TLR9: variants seen among roughly 807,000 people sequenced by gnomAD.
The protein encoded by TLR9 is toll-like receptor 9.
Under a neutral mutation model 24.6 loss-of-function variants are expected in TLR9, and 19 were observed. The ratio of observed to expected loss-of-function variants is 0.77; its 90% CI spans 0.54 to 1.13. The LOEUF is 1.13. Among genes scored for constraint, TLR9 ranks in the 50% most tolerant of loss-of-function variants. The pLI, the probability that TLR9 is intolerant of heterozygous loss-of-function variation, is 0.00. For synonymous variants in TLR9, 579 were observed against 609.8 expected (o/e 0.95, Z 0.74); for missense variants, 1,065 against 1,379.6 (o/e 0.77, Z 3.61).
rs17846009 is a variant in TLR9, at chr3:52,222,679, C to A, written c.1637G>T (p.Arg546Leu). 1.1e-3 allele frequency: 1,706 copies of A among 1,613,162 alleles called. 18 individuals are homozygous for A. In the South Asian group the frequency reaches 0.017, roughly 17 times the overall value. Residue 546 changes from arginine to leucine, a missense_variant, in exon 2 of 2, where the codon CGA (arginine) becomes CTA (leucine). Coordinates refer to ENST00000360658, the MANE Select transcript of TLR9 (RefSeq NM_017442.4). ...GTAGCTGAGGTCCAGGGCCTCCAGT[C>A]GCGGTAGCTCCGTGAATGAGTGCTC... ...YHEHSFTELP[R>L]LEALDLSYNS...
At position 52,223,983 on chromosome 3, in the gene TLR9, G is replaced by C; in HGVS notation, c.333C>G (p.His111Gln). 6.3e-7 allele frequency: 1 copy of C among 1,596,264 alleles called. No homozygotes were observed. The highest frequency in any genetic ancestry group is 1.7e-4 in the Middle Eastern group (1 of 5,994). ...AGAAGGTGCTGGGCTCGATGGTCATGTGGCAGGGGAAGTGCATGGGGCTGA... is the reference window on the plus strand; with the variant it reads ...AGAAGGTGCTGGGCTCGATGGTCATCTGGCAGGGGAAGTGCATGGGGCTGA... Reference protein sequence around the residue: ...VGLSPMHFPCHMTIEPSTFLA... With the variant: ...VGLSPMHFPCQMTIEPSTFLA... Residue 111 changes from histidine (H) to glutamine (Q), a missense_variant, in exon 2 of 2, where the codon CAC becomes CAG. Coordinates refer to ENST00000360658, the MANE Select transcript of TLR9 (RefSeq NM_017442.4).
Position 52,224,156 on chromosome 3 carries a change from G to T in TLR9, c.160C>A (p.Pro54Thr). The T allele has an allele frequency of 6.3e-7, 1 of 1,595,640 alleles. No homozygotes were observed. Among genetic ancestry groups the T allele is most frequent in the South Asian group, 1.1e-5 (1 of 89,446 alleles). Residue 54 changes from proline (P) to threonine (T), a missense_variant, in exon 2 of 2, where the codon CCC (proline) becomes ACC (threonine). Pro to Thr is a conservative substitution (Grantham distance 38, BLOSUM62 -1). Coordinates refer to ENST00000360658, the MANE Select transcript of TLR9 (RefSeq NM_017442.4). ...CGGGGTGCTGCCATGGAGAAGTGGG[G>T]CACAGACTTCAGGAACAGCCAGTTG... ...NCNWLFLKSV[P>T]HFSMAAPRGN...
Position 52,221,688 on chromosome 3 carries a change from G to T in TLR9, c.2628C>A (p.Phe876Leu). ...DALPYDAFVVFDKTQSAVADW... is the reference protein window; with the variant it reads ...DALPYDAFVVLDKTQSAVADW... ...CTGCCACTGCGCTCTGCGTTTTGTC[G>T]AAGACCACGAAGGCATCGTAGGGCA... The change falls in exon 2 of 2, where the codon TTC becomes TTA. Residue 876 changes from phenylalanine to leucine, a missense_variant. Coordinates refer to ENST00000360658, the MANE Select transcript of TLR9 (RefSeq NM_017442.4). This position sits in a 1 kb window ranked among gnomAD's most constrained non-coding sequence, Gnocchi z 9.9. 6.2e-7 allele frequency: 1 copy of T among 1,613,896 alleles called. No individual in the cohort carries two copies. The highest frequency in any genetic ancestry group is 1.1e-5 in the South Asian group (1 of 91,080).
chr3:52,224,873 C>T (rs189189385), intron 1 of TLR9, among the ~76,000 whole-genome samples: 3 of 152,340 alleles, frequency 2.0e-5, no homozygotes, highest in Admixed American at 6.5e-5. Flanking sequence ...TCACCTAGCC[C>T]GAGAGCCTTT....
rs201708800 is a variant in TLR9 at position 52,221,205 on chromosome 3, T to C, written c.*12A>G. 1 of 1,510,542 alleles carries C rather than the reference T, an allele frequency of 6.6e-7. No homozygotes were observed. The highest frequency in any genetic ancestry group is 2.3e-5 in the East Asian group (1 of 43,442). The allele number at this position is 1,510,542 out of a possible 1,614,324, so 93.6% of individuals were successfully genotyped here. On this transcript the variant is annotated 3_prime_UTR_variant, in exon 2 of 2. Coordinates refer to ENST00000360658, the MANE Select transcript of TLR9 (RefSeq NM_017442.4). The surrounding 1 kb of genome is among the most constrained non-coding windows in gnomAD (Gnocchi z 9.9). ...GTGTGGAGGTGGCACCGTGCAGGAT[T>C]CCGGCTCACGGCTATTCGGCCGTGG...
At chr3:52,225,354 A>AG (rs927443382) in intron 1 of TLR9, among the ~76,000 whole-genome samples, 173 bp downstream of exon 1, 9 of 151,948 alleles carry the variant, frequency 5.9e-5, no homozygotes, top group Non-Finnish European at 1.2e-4. Context: ...AAAAAAAAAA[A>AG]AAAAGAAAAA....
Position 52,222,456 on chromosome 3 carries a change from A to G in TLR9, c.1860T>C (p.Tyr620=), listed in dbSNP as rs1365884283. The G allele has an allele frequency of 6.2e-7, 1 of 1,614,206 alleles. No homozygotes were observed. Among genetic ancestry groups the G allele is most frequent in the East Asian group, 2.2e-5 (1 of 44,886 alleles). The part of the protein sequence containing the change: ...LGHMWAEGDL[Y]LHFFQGLSGL... ...CGCTCAGGCCTTGGAAGAAGTGCAG[A>G]TAGAGGTCTCCCTCGGCCCACATAT... Residue 620 remains tyrosine, a synonymous_variant, in exon 2 of 2, where the codon TAT becomes TAC. Transcript: ENST00000360658.
At position 52,222,789 on chromosome 3, in the gene TLR9, C is replaced by T. The variant is rs35342983; in HGVS notation, c.1527G>A (p.Ser509=). 9,184 of 1,614,038 alleles carry T rather than the reference C, an allele frequency of 5.7e-3. 76 individuals are homozygous for T. Among genetic ancestry groups the T allele is most frequent in the South Asian group, 0.025 (2,293 of 91,090 alleles). The change falls in exon 2 of 2, where the codon TCG becomes TCA. Residue 509 remains serine (S), a synonymous_variant. Transcript: ENST00000360658. Reference sequence around the variant, plus strand: ...GGAACTGGGAGCCATTGACTGCCTGCGAGATGCAGTTGTGGCTCAGGCGCA... The same window carrying T: ...GGAACTGGGAGCCATTGACTGCCTGTGAGATGCAGTTGTGGCTCAGGCGCA... The part of the protein sequence containing the change: ...QCLRLSHNCI[S]QAVNGSQFLP...
At position 52,223,083 on chromosome 3, in the gene TLR9, G is replaced by A; in HGVS notation, c.1233C>T (p.Phe411=). ...CGTAGCGCAGGCCAGGGAAGGCCCT[G>A]AAGATGCCGAGCTGGGCCTGGTTGA... The part of the protein sequence containing the change: ...NFINQAQLGI[F]RAFPGLRYVD... Residue 411 remains phenylalanine, a synonymous_variant, in exon 2 of 2, where the codon TTC becomes TTT. Transcript: ENST00000360658. 6.2e-7 allele frequency: 1 copy of A among 1,611,588 alleles called. No individual in the cohort carries two copies. The highest frequency in any genetic ancestry group is 8.5e-7 in the Non-Finnish European group (1 of 1,178,696).
chr3:52,223,787 T>A lies in TLR9; in HGVS notation c.529A>T (p.Asn177Tyr), dbSNP rs1192636526. The A allele has an allele frequency of 6.3e-7, 1 of 1,584,128 alleles. No individual in the cohort carries two copies. The highest frequency in any genetic ancestry group is 2.2e-5 in the East Asian group (1 of 44,508). ...HALRFLFMDG[N>Y]CYYKNPCRQA... is the part of the protein sequence containing the mutation. ...CTGCAGGGGTTCTTGTAATAACAGT[T>A]GCCGTCCATGAATAGGAAGCGCAGG... Residue 177 changes from asparagine (N) to tyrosine (Y), a missense_variant, in exon 2 of 2, where the codon AAC (asparagine) becomes TAC (tyrosine). By Grantham distance (143) the Asn-to-Tyr change is moderately radical. Transcript: ENST00000360658.
In TLR9 at chr3:52,223,874, G is replaced by T. The variant is rs1424057961; in HGVS notation, c.442C>A (p.Leu148Met). Residue 148 changes from leucine (L) to methionine (M), a missense_variant, in exon 2 of 2, where the codon CTG (leucine) becomes ATG (methionine). Transcript: ENST00000360658. ...VPALPKSLIS[L>M]SLSHTNILML... Reference sequence around the variant, plus strand: ...AGGATGTTGGTATGGCTGAGGGACAGGGATATGAGGGATTTGGGCAGCGCA... The same window carrying T: ...AGGATGTTGGTATGGCTGAGGGACATGGATATGAGGGATTTGGGCAGCGCA... 1 of 1,611,740 alleles carries T rather than the reference G, an allele frequency of 6.2e-7. No homozygotes were observed.
chr3:52,224,402 C>T (rs1158070180), intron 1 of TLR9, 90 bp from the exon 2 acceptor site: 1 of 1,047,758 alleles, frequency 9.5e-7, no homozygotes, highest in Non-Finnish European at 1.4e-6. Context: ...CATCTTCCAA[C>T]CCCTCTCTCC....
In TLR9 at chr3:52,223,545, G is replaced by A. The variant is rs148525480; in HGVS notation, c.771C>T (p.Arg257=). Residue 257 remains arginine (R), a synonymous_variant, in exon 2 of 2, where the codon CGC becomes CGT. Coordinates refer to ENST00000360658, the MANE Select transcript of TLR9 (RefSeq NM_017442.4). ...TGCAGGGGTTGGGAGCGTGGTCGCA[G>A]CGGCGGCAATTTCCGCCCACATCGA... The part of the protein sequence containing the change: ...RVLDVGGNCR[R]CDHAPNPCME... The A allele has an allele frequency of 1.2e-4, 178 of 1,535,582 alleles. No individual in the cohort carries two copies. The highest frequency in any genetic ancestry group is 1.5e-4 in the Non-Finnish European group (171 of 1,140,472).
In TLR9 at chr3:52,223,095, C is replaced by G; in HGVS notation, c.1221G>C (p.Gln407His). The change falls in exon 2 of 2, where the codon CAG becomes CAC. Residue 407 changes from glutamine to histidine, a missense_variant. Transcript: ENST00000360658. ...RLQMNFINQA[Q>H]LGIFRAFPGL... The stretch of plus-strand genomic sequence containing the variant: ...CAGGGAAGGCCCTGAAGATGCCGAG[C>G]TGGGCCTGGTTGATGAAGTTCATCT... 1.2e-6 allele frequency: 2 copies of G among 1,612,860 alleles called. No individual in the cohort carries two copies.
chr3:52,222,197 C>G lies in TLR9; in HGVS notation c.2119G>C (p.Asp707His). 1 of 1,614,042 alleles carries G rather than the reference C, an allele frequency of 6.2e-7. No homozygotes were observed. Among genetic ancestry groups the G allele is most frequent in the Non-Finnish European group, 8.5e-7 (1 of 1,180,018 alleles). Residue 707 changes from aspartate to histidine, a missense_variant, in exon 2 of 2, where the codon GAT (aspartate) becomes CAT (histidine). Coordinates refer to ENST00000360658, the MANE Select transcript of TLR9 (RefSeq NM_017442.4). Reference protein sequence around the residue: ...LPAGTRLRRLDVSCNSISFVA... With the variant: ...LPAGTRLRRLHVSCNSISFVA... Reference sequence around the variant, plus strand: ...AAGCTGATGCTGTTGCAGCTGACATCCAGCCTCCGGAGCCGGGTGCCAGCA... The same window carrying G: ...AAGCTGATGCTGTTGCAGCTGACATGCAGCCTCCGGAGCCGGGTGCCAGCA...
chr3:52,223,811 G>A lies in TLR9; in HGVS notation c.505C>T (p.Leu169=), dbSNP rs1217389345. 1 of 1,604,378 alleles carries A rather than the reference G, an allele frequency of 6.2e-7. No homozygotes were observed. Among genetic ancestry groups the A allele is most frequent in the Non-Finnish European group, 8.5e-7 (1 of 1,174,532 alleles). The part of the protein sequence containing the change: ...DSASLAGLHA[L]RFLFMDGNCY... ...TTGCCGTCCATGAATAGGAAGCGCA[G>A]GGCATGCAGGCCGGCGAGGCTGGCA... Residue 169 remains leucine (L), a synonymous_variant, in exon 2 of 2, where the codon CTG becomes TTG. Transcript: ENST00000360658.
chr3:52,223,873 A>G lies in TLR9; in HGVS notation c.443T>C (p.Leu148Pro). The G allele has an allele frequency of 6.2e-7, 1 of 1,611,624 alleles. No individual in the cohort carries two copies. The highest frequency in any genetic ancestry group is 8.5e-7 in the Non-Finnish European group (1 of 1,178,546). ...VPALPKSLISLSLSHTNILML... is the reference protein window; with the variant it reads ...VPALPKSLISPSLSHTNILML... Reference sequence around the variant, plus strand: ...CAGGATGTTGGTATGGCTGAGGGACAGGGATATGAGGGATTTGGGCAGCGC... The same window carrying G: ...CAGGATGTTGGTATGGCTGAGGGACGGGGATATGAGGGATTTGGGCAGCGC... Residue 148 changes from leucine (L) to proline (P), a missense_variant, in exon 2 of 2, where the codon CTG becomes CCG. Leu to Pro is a moderately conservative substitution (Grantham distance 98, BLOSUM62 -3). Transcript: ENST00000360658.
In TLR9 at chr3:52,223,563, C is replaced by T. The variant is rs1186200134; in HGVS notation, c.753G>A (p.Val251=). The stretch of plus-strand genomic sequence containing the variant: ...GGTCGCAGCGGCGGCAATTTCCGCC[C>T]ACATCGAGCACACGCAGGGCGGTCA... ...ANLTALRVLD[V]GGNCRRCDHA... The change falls in exon 2 of 2, where the codon GTG becomes GTA. Residue 251 remains valine (V), a synonymous_variant. Transcript: ENST00000360658. The T allele has an allele frequency of 1.3e-6, 2 of 1,534,092 alleles. No homozygotes were observed. Among genetic ancestry groups the T allele is most frequent in the Non-Finnish European group, 1.8e-6 (2 of 1,140,112 alleles).
chr3:52,223,540 T>C lies in TLR9; in HGVS notation c.776A>G (p.Asp259Gly). ...CTCCATGCAGGGGTTGGGAGCGTGG[T>C]CGCAGCGGCGGCAATTTCCGCCCAC... ...LDVGGNCRRC[D>G]HAPNPCMECP... Residue 259 changes from aspartate to glycine, a missense_variant, in exon 2 of 2, where the codon GAC (aspartate) becomes GGC (glycine). By Grantham distance (94) the Asp-to-Gly change is moderately conservative. Transcript: ENST00000360658. The C allele has an allele frequency of 6.5e-7, 1 of 1,536,178 alleles. No individual in the cohort carries two copies. The highest frequency in any genetic ancestry group is 8.8e-7 in the Non-Finnish European group (1 of 1,140,494).
Sources: gnomAD v4.1 joint callset for allele counts (sites outside exome capture counted in the v4.1 genomes callset) on GRCh38, gnomAD v4.1.1 for gene constraint, Gnocchi (gnomAD v3.1) non-coding constraint, MANE v1.5 for transcripts, NCBI Gene and HGNC (gene_info 2026-07-23, HGNC 2026-07-21) for gene names.